Variants in ARHGEF18 observed in about 807,000 individuals in gnomAD.
The protein encoded by ARHGEF18 is rho guanine nucleotide exchange factor 18.
ARHGEF18 carries 93 observed loss-of-function variants against 155.7 expected under a neutral mutation model. The observed-to-expected ratio is 0.60, with a 90% confidence interval of 0.50 to 0.71. The LOEUF is 0.71. Among genes scored for constraint, ARHGEF18 ranks in the 30% least tolerant of loss-of-function variants. The pLI is 0.00. For missense variants in ARHGEF18, 1,593 were observed against 1,816.1 expected (o/e 0.88, Z 2.23); for synonymous variants, 742 against 753.1 (o/e 0.99, Z 0.24).
rs537429456 is a variant in ARHGEF18 at position 7,367,977 on chromosome 19, A to AAGAGAGAGAGAGAG, written c.16-4824_16-4811dup. ...CTGGAAAGAAGGAAGAAAGGAAAGA[A>AAGAGAGAGAGAGAG]AGAGAGAGAGAGAGAGAGAGAGAGG... On this transcript the variant is annotated intron_variant, in intron 2 of 28. Transcript: ENST00000668164. 1.1e-3 allele frequency among the ~76,000 whole-genome samples: 76 copies of AAGAGAGAGAGAGAG among 66,782 alleles called. 1 individual carries two copies. Among genetic ancestry groups the AAGAGAGAGAGAGAG allele is most frequent in the African/African-American group, 5.3e-3 (70 of 13,108 alleles). The allele number at this position is 66,782 out of a possible 152,430, so 43.8% of individuals were successfully genotyped here.
At position 7,456,343 on chromosome 19, in the gene ARHGEF18, G is replaced by A; in HGVS notation, c.2121G>A (p.Leu707=). 6.2e-7 allele frequency: 1 copy of A among 1,614,118 alleles called. No homozygotes were observed. Among genetic ancestry groups the A allele is most frequent in the Non-Finnish European group, 8.5e-7 (1 of 1,179,980 alleles). ...SGRLKDILAI[L]LTDVLLLLQE... The stretch of plus-strand genomic sequence containing the variant: ...TTTTCCCAGATATCCTGGCTATCCT[G>A]CTGACCGACGTACTTTTGCTGCTAC... The change falls in exon 18 of 29, where the codon CTG becomes CTA. Residue 707 remains leucine, a synonymous_variant. Transcript: ENST00000668164.
Position 7,451,160 on chromosome 19 carries a change from C to T in ARHGEF18, c.1749C>T (p.Asn583=), listed in dbSNP as rs769145864. The change falls in exon 16 of 29, where the codon AAC becomes AAT. Residue 583 remains asparagine, a synonymous_variant. Transcript: ENST00000668164. The part of the protein sequence containing the change: ...KFQNLIKKIG[N]FSIVRRLGVQ... ...TTTCTGTTTCCTAGAAAATTGGCAACTTCTCCATCGTGCGGCGGCTTGGCG... is the reference window on the plus strand; with the variant it reads ...TTTCTGTTTCCTAGAAAATTGGCAATTTCTCCATCGTGCGGCGGCTTGGCG... The T allele has an allele frequency of 4.1e-6, 6 of 1,478,666 alleles. No individual in the cohort carries two copies. Among genetic ancestry groups the T allele is most frequent in the Non-Finnish European group, 4.5e-6 (5 of 1,120,322 alleles). The allele number at this position is 1,478,666 out of a possible 1,614,324, so 91.6% of individuals were successfully genotyped here. A position where few individuals can be genotyped will look rare whatever the true frequency, so the allele number is the denominator to read the frequency against.
rs773017374 is a variant in ARHGEF18 at position 7,380,950 on chromosome 19, C to T, written c.678C>T (p.Pro226=). ...AGAGGGCTTGCATGTCAGCCAGCCC[C>T]GGAGGAGCCCACTCGAACCTGACCT... ...ARQRACMSAS[P]GGAHSNLTWF... The change falls in exon 8 of 29, where the codon CCC becomes CCT. Residue 226 remains proline (P), a synonymous_variant. Coordinates refer to ENST00000668164, the MANE Select transcript of ARHGEF18 (RefSeq NM_001367823.1). 1.1e-5 allele frequency: 14 copies of T among 1,232,062 alleles called. No homozygotes were observed. The highest frequency in any genetic ancestry group is 8.4e-5 in the Admixed American group (2 of 23,678). The allele number at this position is 1,232,062 out of a possible 1,614,324, so 76.3% of individuals were successfully genotyped here. A position where few individuals can be genotyped will look rare whatever the true frequency, so the allele number is the denominator to read the frequency against.
chr19:7,459,241 A>C (rs1281508728), intron 19 of ARHGEF18, among the ~76,000 whole-genome samples: 1 of 151,458 alleles, frequency 6.6e-6, no homozygotes. Context: ...TGTTTTTTAG[A>C]GTCTGGCTCT....
chr19:7,363,856 G>A (rs1199720257), intron 2 of ARHGEF18, among the ~76,000 whole-genome samples: 1 of 148,570 alleles, frequency 6.7e-6, no homozygotes, highest in Non-Finnish European at 1.5e-5. Flanking sequence ...GAGTGAAAAG[G>A]AAGGAAAAAA....
chr19:7,403,969 G>T (rs1972155966), intron 10 of ARHGEF18, among the ~76,000 whole-genome samples: 1 of 130,858 alleles, frequency 7.6e-6, no homozygotes, highest in African/African-American at 4.6e-5. Flanking sequence ...TGAGGCTGAG[G>T]CAGGAGAATC....
chr19:7,459,585 G>A (rs112539715), intron 19 of ARHGEF18, among the ~76,000 whole-genome samples: 3,575 of 152,310 alleles, frequency 0.023, 79 homozygotes, highest in South Asian at 0.074. Flanking sequence ...CCCATCCACA[G>A]TAGCTGTAGC....
intron 10 of ARHGEF18, among the ~76,000 whole-genome samples, chr19:7,402,064 A>G (rs1972042703): frequency 6.6e-6 from 1 of 152,138 alleles, no homozygotes; most frequent in South Asian, 2.1e-4. Flanking sequence ...GGCTGGGGGT[A>G]GTGGAGTGGG....
chr19:7,353,598 A>AAAAAGAAAAAGAAAAG (rs929597726), intron 1 of ARHGEF18, among the ~76,000 whole-genome samples: 5 of 151,650 alleles, frequency 3.3e-5, no homozygotes, highest in Non-Finnish European at 5.9e-5. Flanking sequence ...CTCAAAAAAA[A>AAAAAGAAAAAGAAAAG]AAAAGAAAAA....
intron 10 of ARHGEF18, among the ~76,000 whole-genome samples, chr19:7,417,017 C>T (rs1303275097): frequency 6.6e-6 from 1 of 152,122 alleles, no homozygotes; most frequent in African/African-American, 2.4e-5. Context: ...TCAAGCGATT[C>T]TCCTGCCTCA....
At chr19:7,391,483 C>T (rs1369641629) in intron 10 of ARHGEF18, among the ~76,000 whole-genome samples, 1 of 152,100 alleles carries the variant, frequency 6.6e-6, no homozygotes, top group Admixed American at 6.6e-5. Context: ...GCTTCTCTCC[C>T]ACTACTCAGG....
chr19:7,477,419 TTGCCCCGGGGCAGC>T (rs1180739441), downstream of ARHGEF18: 3 of 1,472,762 alleles, frequency 2.0e-6, no homozygotes, highest in East Asian at 7.8e-5. Flanking sequence ...GGCCCTCCGC[TTGCCCCGGGGCAGC>T]GGGCTGTGGG....
At chr19:7,372,285 C>T (rs979345006) in intron 2 of ARHGEF18, among the ~76,000 whole-genome samples, 7 of 152,034 alleles carry the variant, frequency 4.6e-5, no homozygotes, top group South Asian at 2.1e-4. Context: ...TGGGTTTTGA[C>T]GGTTGCATAG....
intron 10 of ARHGEF18, among the ~76,000 whole-genome samples, chr19:7,435,397 C>T (rs933366490): frequency 6.6e-6 from 1 of 152,060 alleles, no homozygotes; most frequent in African/African-American, 2.4e-5. Flanking sequence ...CAGGGCACAC[C>T]ACACAGGGGC....
chr19:7,437,556 T>C (rs1187339249), intron 10 of ARHGEF18, among the ~76,000 whole-genome samples: 3 of 152,116 alleles, frequency 2.0e-5, no homozygotes, highest in Non-Finnish European at 1.5e-5. Context: ...AAGAGACTTC[T>C]AGCTGCTCTC....
chr19:7,464,446 C>T, intron 22 of ARHGEF18, 114 bp from the exon 23 acceptor site: 1 of 1,349,564 alleles, frequency 7.4e-7, no homozygotes, highest in South Asian at 1.4e-5. Context: ...GCAGACGCCA[C>T]CATTCGGGCC....
intron 14 of ARHGEF18, 131 bp from the exon 15 acceptor site, chr19:7,446,912 G>A (rs12986280): frequency 0.28 from 225,649 of 806,404 alleles, 20,083 homozygotes; most frequent in East Asian, 0.41. Context: ...AAAAAAAAAA[G>A]AAGAAGAAAG....
At position 7,460,091 on chromosome 19, in the gene ARHGEF18, C is replaced by T. The variant is rs1033483574; in HGVS notation, c.2452+97C>T. 3.0e-5 allele frequency: 37 copies of T among 1,228,752 alleles called. No individual in the cohort carries two copies. The Admixed American group carries it at 3.5e-4, about 11-fold the overall frequency. The allele number at this position is 1,228,752 out of a possible 1,614,324, so 76.1% of individuals were successfully genotyped here. A position where few individuals can be genotyped will look rare whatever the true frequency, so the allele number is the denominator to read the frequency against. Reference sequence around the variant, plus strand: ...AGAGGGTGAACTGCCCCCCAGGTGACCCGGTGTTTTCCCGTGGGCTGTGCC... The same window carrying T: ...AGAGGGTGAACTGCCCCCCAGGTGATCCGGTGTTTTCCCGTGGGCTGTGCC... On this transcript the variant is annotated intron_variant, in intron 20 of 28. Coordinates refer to ENST00000668164, the MANE Select transcript of ARHGEF18 (RefSeq NM_001367823.1).
chr19:7,351,846 C>T (rs1372699633), intron 1 of ARHGEF18, among the ~76,000 whole-genome samples: 2 of 151,922 alleles, frequency 1.3e-5, no homozygotes, highest in Non-Finnish European at 2.9e-5. Context: ...AAATGCATAC[C>T]ACCACACCTG....
Sources: gnomAD v4.1 joint callset for allele counts (sites outside exome capture counted in the v4.1 genomes callset) on GRCh38, gnomAD v4.1.1 for gene constraint, MANE v1.5 for transcripts, NCBI Gene and HGNC (gene_info 2026-07-23, HGNC 2026-07-21) for gene names.